Variants in TBC1D28 observed in about 807,000 individuals in gnomAD.
The protein encoded by TBC1D28 is TBC1 domain family member 28.
In TBC1D28, 20 loss-of-function variants were observed where a neutral mutation model predicts 29.2. The ratio of observed to expected loss-of-function variants is 0.68; its 90% CI spans 0.48 to 0.99. The LOEUF (loss-of-function observed/expected upper bound fraction) is 0.99. TBC1D28 is among the 50% of genes least tolerant of loss of function. The probability of loss-of-function intolerance (pLI) is 0.00; values close to 1 mark genes in which losing one functional copy is unlikely to be tolerated. For synonymous variants in TBC1D28, 65 were observed against 90.9 expected, an observed-to-expected ratio of 0.71 and a Z score of 1.62; for missense variants, 205 against 243.7, an observed-to-expected ratio of 0.84 and a Z score of 1.06.
exon 1 of TBC1D28, chr17:18,642,117 G>C (rs2031798277): frequency 6.5e-6 from 1 of 153,440 alleles, no homozygotes; most frequent in African/African-American, 2.4e-5. Context: ...TAGAGGACCA[G>C]ACAGAGAGAA....
chr17:18,641,525 A>T, intron 2 of TBC1D28, 107 bp downstream of exon 3: 1 of 721,992 alleles, frequency 1.4e-6, no homozygotes, highest in Non-Finnish European at 2.3e-6. Context: ...TGGATCTCTG[A>T]AGTCCTGACC....
At chr17:18,639,025 A>C (rs1484429377) in intron 5 of TBC1D28, 150 bp downstream of exon 6, 3 of 1,287,736 alleles carry the variant, frequency 2.3e-6, no homozygotes, top group Admixed American at 2.5e-5. Context: ...CCTCATGGGA[A>C]CAGAGTCCAG....
At chr17:18,638,017 A>C in intron 7 of TBC1D28, 44 bp from the exon 9 acceptor site, 1 of 1,390,562 alleles carries the variant, frequency 7.2e-7, no homozygotes, top group South Asian at 1.2e-5. Flanking sequence ...CAGAACAGAC[A>C]AAAGACTCCC....
upstream of TBC1D28, among the ~76,000 whole-genome samples, chr17:18,643,859 G>A (rs2649515): frequency 2.0e-5 from 3 of 152,318 alleles, no homozygotes; most frequent in African/African-American, 4.8e-5. Flanking sequence ...CTCCTCCTGC[G>A]GACACCCAGC....
Position 18,642,366 on chromosome 17 carries a change from C to T in TBC1D28, c.-642G>A, listed in dbSNP as rs551129676. The T allele has an allele frequency of 5.3e-5, 8 of 152,270 alleles. No homozygotes were observed. The East Asian group carries it at 1.5e-3, about 29-fold the overall frequency. The allele number at this position is 152,270 out of a possible 1,614,324, so 9.4% of individuals were successfully genotyped here. On this transcript the variant is annotated 5_prime_UTR_variant, in exon 1 of 9. Transcript: ENST00000345096. ...ACAGACTTGGACCAAGAATTTCACC[C>T]TCCACCCCACCCACAGGGGCTCTGT...
Position 18,636,598 on chromosome 17 carries a change from C to A in TBC1D28, c.498-1G>T, listed in dbSNP as rs764094277. On this transcript the variant is annotated splice_acceptor_variant, in intron 8 of 8. Coordinates refer to ENST00000345096, the Ensembl canonical transcript of TBC1D28. LOFTEE classifies it high-confidence loss of function. The stretch of plus-strand genomic sequence containing the variant: ...GAGGATGTCACATAATTCCTGCTGC[C>A]TAGAAAAGAGGGGAAAGAGGGTTTT... 1.2e-6 allele frequency: 2 copies of A among 1,610,266 alleles called. No homozygotes were observed. The highest frequency in any genetic ancestry group is 2.2e-5 in the South Asian group (2 of 90,692).
chr17:18,638,456 T>G, intron 6 of TBC1D28, 36 bp from the exon 8 acceptor site: 2 of 1,612,412 alleles, frequency 1.2e-6, no homozygotes, highest in Non-Finnish European at 1.7e-6. Flanking sequence ...AGAAAGGACA[T>G]GGGGCAACCC....
At chr17:18,638,834 G>A in intron 5 of TBC1D28, 133 bp from the exon 7 acceptor site, 1 of 1,137,948 alleles carries the variant, frequency 8.8e-7, no homozygotes, top group Non-Finnish European at 1.3e-6. Context: ...GGCCCCAGGG[G>A]CTGAGACCCT....
chr17:18,638,232 G>T lies in TBC1D28; in HGVS notation c.387+81C>A, dbSNP rs964328630. 1.4e-5 allele frequency: 21 copies of T among 1,523,618 alleles called. No homozygotes were observed. The Admixed American group carries it at 2.0e-4, about 14-fold the overall frequency. 94.4% of individuals were successfully genotyped at this position (1,523,618 alleles called of 1,614,324 possible). ...CCCCCACCCCCAACCCAGGCTCAAC[G>T]TTCCCTCCAGCTGGAGTCCTGGGAT... On this transcript the variant is annotated intron_variant, in intron 7 of 8. Coordinates refer to ENST00000345096, the Ensembl canonical transcript of TBC1D28.
At chr17:18,640,164 C>T (rs1406052693) in intron 4 of TBC1D28, among the ~76,000 whole-genome samples, 1 of 152,184 alleles carries the variant, frequency 6.6e-6, no homozygotes, top group Non-Finnish European at 1.5e-5. Flanking sequence ...ACTGAGCCAG[C>T]GGGAAGCAGA....
At chr17:18,635,745 G>A (rs1464657070) in exon 9 of TBC1D28, 21 of 999,504 alleles carry the variant, frequency 2.1e-5, no homozygotes, top group Non-Finnish European at 2.5e-5. Flanking sequence ...GTGACTTGGT[G>A]ACATCCAAGC....
Position 18,638,306 on chromosome 17 carries a change from G to T in TBC1D28, c.387+7C>A. 6.2e-7 allele frequency: 1 copy of T among 1,613,906 alleles called. No individual in the cohort carries two copies. On this transcript the variant is annotated splice_region_variant and intron_variant, in intron 7 of 8. Transcript: ENST00000345096. ...TACTGCCCTAGCTGAGTGTGGGAGG[G>T]ACTTACCTTATATTTGCCTGGGTTC...
At chr17:18,638,789 G>A in intron 5 of TBC1D28, 88 bp from the exon 7 acceptor site, 2 of 1,559,788 alleles carry the variant, frequency 1.3e-6, no homozygotes, top group Non-Finnish European at 1.8e-6. Context: ...TTGGGGCCCT[G>A]AAGGGACCCA....
chr17:18,638,285 G>A (rs1289286812), intron 7 of TBC1D28, 28 bp downstream of exon 8: 15 of 1,609,770 alleles, frequency 9.3e-6, no homozygotes, highest in Non-Finnish European at 1.3e-5. Flanking sequence ...TGTTTGTACT[G>A]CCCTAGCTGA....
In TBC1D28 at chr17:18,641,264, G is replaced by A. The variant is rs376343487; in HGVS notation, c.75+14C>T. Reference sequence around the variant, plus strand: ...GAGGCCCTGCTTCCCTTGAGGGAGCGGCCCAACTTGTACCTGCTCATACTT... The same window carrying A: ...GAGGCCCTGCTTCCCTTGAGGGAGCAGCCCAACTTGTACCTGCTCATACTT... On this transcript the variant is annotated intron_variant, in intron 3 of 8. Coordinates refer to ENST00000345096, the Ensembl canonical transcript of TBC1D28. The A allele has an allele frequency of 9.3e-6, 15 of 1,608,982 alleles. No homozygotes were observed. The highest frequency in any genetic ancestry group is 2.7e-5 in the African/African-American group (2 of 74,110).
Position 18,639,340 on chromosome 17 carries a change from C to T in TBC1D28, c.159-126G>A, listed in dbSNP as rs527851207. ...CTAAGTCTCAGCCTGGGACAAGGCACAGAGAAGGAAGGCAAGGGCCTCCCT... is the reference window on the plus strand; with the variant it reads ...CTAAGTCTCAGCCTGGGACAAGGCATAGAGAAGGAAGGCAAGGGCCTCCCT... On this transcript the variant is annotated intron_variant, in intron 4 of 8. Transcript: ENST00000345096. 315 of 1,307,158 alleles carry T rather than the reference C, an allele frequency of 2.4e-4. 9 individuals carry two copies. In the African/African-American group the frequency reaches 5.2e-3, roughly 21 times the overall value. The allele number at this position is 1,307,158 out of a possible 1,614,324, so 81.0% of individuals were successfully genotyped here.
chr17:18,636,587 A>G, exon 9 of TBC1D28: 1 of 1,612,742 alleles, frequency 6.2e-7, no homozygotes, highest in Non-Finnish European at 8.5e-7. Context: ...ATGTCACATA[A>G]TTCCTGCTGC....
At chr17:18,634,873 G>GCCCCT (rs2031416384), downstream of TBC1D28, 1 of 167,200 alleles carries the variant, frequency 6.0e-6, no homozygotes, top group Non-Finnish European at 1.2e-5. Flanking sequence ...AGCCGCCTCA[G>GCCCCT]CCCCTCAGCC....
chr17:18,643,785 C>T (rs1374916005), upstream of TBC1D28, among the ~76,000 whole-genome samples: 8 of 152,228 alleles, frequency 5.3e-5, no homozygotes, highest in African/African-American at 1.9e-4. Flanking sequence ...CAAGGGACCC[C>T]ATGTGTCCAG....
Sources: allele counts gnomAD v4.1 joint callset (sites outside exome capture counted in the v4.1 genomes callset), GRCh38; gene constraint gnomAD v4.1.1; transcripts MANE v1.5; gene names NCBI Gene and HGNC (gene_info 2026-07-23, HGNC 2026-07-21).